FBXL17: variants seen among roughly 807,000 people sequenced by gnomAD.
FBXL17 encodes the protein F-box and leucine rich repeat protein 17.
A neutral mutation model predicts 66.2 loss-of-function variants in FBXL17; 22 were observed. The observed-to-expected ratio is 0.33, with a 90% CI of 0.24 to 0.47. The LOEUF is 0.47. Among genes scored for constraint, FBXL17 ranks in the 20% least tolerant of loss-of-function variants. The pLI is 1.00. For synonymous variants in FBXL17, 474 were observed against 400.5 expected (o/e 1.18, Z -2.19); for missense variants, 878 against 948.2 (o/e 0.93, Z 0.97).
intron 4 of FBXL17, among the ~76,000 whole-genome samples, chr5:108,268,044 T>G (rs973311221): frequency 6.6e-6 from 1 of 152,014 alleles, no homozygotes; most frequent in Non-Finnish European, 1.5e-5. Context: ...GTTGGATAAT[T>G]TAAAGTGTGT....
intron 4 of FBXL17, chr5:108,299,052 A>T (rs1424928148): frequency 1.0e-6 from 1 of 977,248 alleles, no homozygotes; most frequent in East Asian, 1.1e-4. Flanking sequence ...ATGAGTACAT[A>T]TCTGAACAAA....
chr5:108,096,070 T>C (rs1349342400), intron 6 of FBXL17, among the ~76,000 whole-genome samples: 2 of 152,226 alleles, frequency 1.3e-5, no homozygotes, highest in African/African-American at 4.8e-5. Flanking sequence ...TTTAAAACTG[T>C]TATACGCTTG....
At chr5:107,984,679 A>G (rs1330255938) in intron 7 of FBXL17, among the ~76,000 whole-genome samples, 2 of 152,244 alleles carry the variant, frequency 1.3e-5, no homozygotes, top group Admixed American at 6.5e-5. Context: ...TGCCATCTAA[A>G]TTCCTACTTG....
At chr5:108,104,822 C>T (rs1307497868) in intron 6 of FBXL17, among the ~76,000 whole-genome samples, 1 of 151,966 alleles carries the variant, frequency 6.6e-6, no homozygotes, top group Non-Finnish European at 1.5e-5. Context: ...GGGGAGTACA[C>T]AATTATGTTT....
intron 6 of FBXL17, among the ~76,000 whole-genome samples, chr5:108,045,694 T>G (rs190959743): frequency 7.6e-4 from 115 of 152,298 alleles, no homozygotes; most frequent in Middle Eastern, 3.4e-3. Flanking sequence ...TTTTTTCAAA[T>G]TATTTCTCTT....
At chr5:108,232,794 T>TATATATATATATATAAA (rs1294290778) in intron 4 of FBXL17, among the ~76,000 whole-genome samples, 2 of 124,852 alleles carry the variant, frequency 1.6e-5, no homozygotes, top group African/African-American at 6.4e-5. Context: ...TATATATATA[T>TATATATATATATATAAA]ATATATATAT....
intron 4 of FBXL17, among the ~76,000 whole-genome samples, chr5:108,345,937 A>C (rs1358017293): frequency 6.6e-6 from 1 of 152,188 alleles, no homozygotes; most frequent in Non-Finnish European, 1.5e-5. Flanking sequence ...TAAGAGAATT[A>C]GCAAAATAAT....
chr5:108,052,112 CAAAAAAAAAAAAA>C (rs144705189), intron 6 of FBXL17, among the ~76,000 whole-genome samples: 1 of 102,194 alleles, frequency 9.8e-6, no homozygotes, highest in African/African-American at 3.7e-5. Context: ...GACTTCGTCT[CAAAAAAAAAAAAA>C]AAAAAAAAAG....
At chr5:108,148,593 A>T (rs1751649589) in intron 6 of FBXL17, among the ~76,000 whole-genome samples, 1 of 152,242 alleles carries the variant, frequency 6.6e-6, no homozygotes, top group Non-Finnish European at 1.5e-5. Context: ...GTATGATTAC[A>T]TCTATATAAA....
chr5:108,250,034 G>A (rs1756275207), intron 4 of FBXL17, among the ~76,000 whole-genome samples: 2 of 152,004 alleles, frequency 1.3e-5, no homozygotes, highest in South Asian at 4.1e-4. Context: ...TCATATCCAA[G>A]AGCCCATATA....
chr5:108,240,225 C>T (rs1339797694), intron 4 of FBXL17, among the ~76,000 whole-genome samples: 1 of 152,096 alleles, frequency 6.6e-6, no homozygotes, highest in Non-Finnish European at 1.5e-5. Flanking sequence ...ACCAGTTAGG[C>T]CACAGTTGGG....
chr5:108,094,874 C>CAA (rs35283339), intron 6 of FBXL17, among the ~76,000 whole-genome samples: 4,304 of 135,014 alleles, frequency 0.032, 171 homozygotes, highest in African/African-American at 0.11. Context: ...AACAAGGATG[C>CAA]AAAAAAAAAA....
chr5:107,946,285 A>T (rs1241976713), intron 7 of FBXL17, among the ~76,000 whole-genome samples: 3 of 89,734 alleles, frequency 3.3e-5, no homozygotes, highest in Non-Finnish European at 6.9e-5. Context: ...ATATATATAT[A>T]TATATATATA....
chr5:108,132,536 T>C (rs919370506), intron 6 of FBXL17, among the ~76,000 whole-genome samples: 8 of 152,222 alleles, frequency 5.3e-5, no homozygotes, highest in African/African-American at 1.9e-4. Flanking sequence ...ATATAATATG[T>C]TGTATGTATA....
rs188325545 is a variant in FBXL17, at chr5:108,143,662, C to T, written c.1745+42455G>A. The stretch of plus-strand genomic sequence containing the variant: ...TCACATCCAATAAACCTTCCTTGAG[C>T]CCCTTAGCTGAGGTAAAGGTGCTTC... On this transcript the variant is annotated intron_variant, in intron 6 of 8. Coordinates refer to ENST00000542267, the MANE Select transcript of FBXL17 (RefSeq NM_001163315.3). 3.0e-3 allele frequency among the ~76,000 whole-genome samples: 449 copies of T among 151,124 alleles called. 2 individuals are homozygous for T. Among genetic ancestry groups the T allele is most frequent in the Admixed American group, 8.0e-3 (121 of 15,168 alleles).
At chr5:108,192,544 A>T (rs774182451) in intron 5 of FBXL17, among the ~76,000 whole-genome samples, 4 of 152,214 alleles carry the variant, frequency 2.6e-5, no homozygotes, top group Non-Finnish European at 4.4e-5. Context: ...CCTAGGAAAC[A>T]TAAGCTTGGT....
intron 6 of FBXL17, among the ~76,000 whole-genome samples, chr5:108,138,560 C>T (rs567230974): frequency 2.7e-4 from 41 of 152,212 alleles, no homozygotes; most frequent in African/African-American, 8.4e-4. Flanking sequence ...AAGATATTGC[C>T]GGTGGGAAGA....
chr5:108,001,131 A>C (rs1753704400), intron 7 of FBXL17, among the ~76,000 whole-genome samples: 1 of 152,190 alleles, frequency 6.6e-6, no homozygotes. Context: ...AAGAAGAAAA[A>C]TTATCTTCAC....
intron 6 of FBXL17, among the ~76,000 whole-genome samples, chr5:108,140,717 C>T (rs779641521): frequency 3.9e-5 from 6 of 152,114 alleles, no homozygotes; most frequent in Non-Finnish European, 5.9e-5. Flanking sequence ...GGTTCTACTC[C>T]GTACATTCAA....
Sources: allele counts gnomAD v4.1 joint callset (sites outside exome capture counted in the v4.1 genomes callset), GRCh38; gene constraint gnomAD v4.1.1; transcripts MANE v1.5; gene names NCBI Gene and HGNC (gene_info 2026-07-23, HGNC 2026-07-21).